The following ADARB2 variants were observed in gnomAD, a reference collection of about 807,000 sequenced individuals.
ADARB2 encodes the protein adenosine deaminase RNA specific B2 (inactive), also known as inactive double-stranded RNA-specific editase B2.
In ADARB2, 25 loss-of-function variants were observed where a neutral mutation model predicts 62.2. That is an observed-to-expected ratio of 0.40 (90% CI 0.29 to 0.56). ADARB2 has a LOEUF of 0.56. Among genes scored for constraint, ADARB2 ranks in the 20% least tolerant of loss-of-function variants. The pLI is 0.43. For missense variants in ADARB2, 1,071 were observed against 1,077.4 expected (o/e 0.99, Z 0.08); for synonymous variants, 572 against 500.8 (o/e 1.14, Z -1.90).
chr10:1,610,388 C>T (rs1488975451), intron 1 of ADARB2, among the ~76,000 whole-genome samples: 10 of 152,362 alleles, frequency 6.6e-5, no homozygotes. Flanking sequence ...TCTGTCCCCA[C>T]ACTCAGTGAT....
intron 1 of ADARB2, among the ~76,000 whole-genome samples, chr10:1,380,522 C>T (rs1300617726): frequency 4.6e-5 from 7 of 152,236 alleles, no homozygotes; most frequent in African/African-American, 1.7e-4. Flanking sequence ...TGCCCTTGGC[C>T]TTCAGGCGTC....
intron 1 of ADARB2, among the ~76,000 whole-genome samples, chr10:1,580,225 T>C (rs749604963): frequency 2.6e-5 from 4 of 152,192 alleles, no homozygotes; most frequent in Non-Finnish European, 2.9e-5. Flanking sequence ...CCAGCTCATA[T>C]GCAAAGTGGC....
intron 1 of ADARB2, among the ~76,000 whole-genome samples, chr10:1,625,146 C>T (rs151219518): frequency 6.6e-6 from 1 of 152,354 alleles, no homozygotes; most frequent in African/African-American, 2.4e-5. Context: ...GTCCTGAGAG[C>T]TAAACCCCAA....
At chr10:1,736,770 C>A (rs1020318992) in intron 1 of ADARB2, among the ~76,000 whole-genome samples, 1 of 152,222 alleles carries the variant, frequency 6.6e-6, no homozygotes, top group East Asian at 1.9e-4. Flanking sequence ...CCCGGAGACG[C>A]GCGGGGTCCC....
intron 2 of ADARB2, among the ~76,000 whole-genome samples, chr10:1,376,038 C>T (rs1413651006): frequency 1.3e-5 from 2 of 152,038 alleles, no homozygotes; most frequent in East Asian, 3.9e-4. Context: ...CACACACGTG[C>T]ACGTACCACA....
At chr10:1,530,473 T>C (rs1832217211) in intron 1 of ADARB2, among the ~76,000 whole-genome samples, 2 of 152,154 alleles carry the variant, frequency 1.3e-5, no homozygotes, top group Admixed American at 1.3e-4. Flanking sequence ...CTGAATTCTC[T>C]CTCTGCACGG....
At chr10:1,421,629 G>A (rs1832853428) in intron 1 of ADARB2, among the ~76,000 whole-genome samples, 1 of 152,166 alleles carries the variant, frequency 6.6e-6, no homozygotes, top group African/African-American at 2.4e-5. Context: ...TGCACATGCT[G>A]AGAGTTAAGA....
At chr10:1,571,531 C>T (rs1039046800) in intron 1 of ADARB2, among the ~76,000 whole-genome samples, 2 of 152,248 alleles carry the variant, frequency 1.3e-5, no homozygotes, top group African/African-American at 2.4e-5. Context: ...ATTGTGGCAG[C>T]TGCAGTTCCT....
chr10:1,477,740 C>A lies in ADARB2; in HGVS notation c.101-98580G>T, dbSNP rs1831421383. On this transcript the variant is annotated intron_variant, in intron 1 of 9. Transcript: ENST00000381312. This position sits in a 1 kb window ranked among gnomAD's most constrained non-coding sequence, Gnocchi z 4.5. ...AGAGAATGCCTTCGTGACTATTTCC[C>A]TTAGACATAAATAGAGACCACAGCC... 6.6e-6 allele frequency among the ~76,000 whole-genome samples: 1 copy of A among 152,230 alleles called. No homozygotes were observed. The highest frequency in any genetic ancestry group is 6.5e-5 in the Admixed American group (1 of 15,282).
Position 1,273,504 on chromosome 10 carries a change from C to T in ADARB2, c.1078-2435G>A, listed in dbSNP as rs376925539. On this transcript the variant is annotated intron_variant, in intron 3 of 9. Coordinates refer to ENST00000381312, the MANE Select transcript of ADARB2 (RefSeq NM_018702.4). ...CGACGTCCACAAGGTGGGTGGCAGG[C>T]GGGAGCCTTCGTGATGGTCCTTGGT... 3.2e-4 allele frequency among the ~76,000 whole-genome samples: 49 copies of T among 152,298 alleles called. No individual in the cohort carries two copies. The East Asian group carries it at 6.4e-3, about 20-fold the overall frequency.
chr10:1,647,749 T>C (rs1282343106), intron 1 of ADARB2, among the ~76,000 whole-genome samples: 3 of 152,050 alleles, frequency 2.0e-5, no homozygotes, highest in Non-Finnish European at 4.4e-5. Context: ...TATATGTATG[T>C]GTGTATATGT....
chr10:1,314,507 C>T (rs1408424893), intron 3 of ADARB2, among the ~76,000 whole-genome samples: 1 of 152,186 alleles, frequency 6.6e-6, no homozygotes, highest in Non-Finnish European at 1.5e-5. Flanking sequence ...CTTCCACGGC[C>T]AGTGCCCCTC....
chr10:1,314,505 G>T (rs574476852), intron 3 of ADARB2, among the ~76,000 whole-genome samples: 2 of 151,894 alleles, frequency 1.3e-5, no homozygotes, highest in Admixed American at 6.6e-5. Context: ...CCCTTCCACG[G>T]CCAGTGCCCC....
At chr10:1,444,287 ATCC>A (rs1830938798) in intron 1 of ADARB2, among the ~76,000 whole-genome samples, 1 of 120,576 alleles carries the variant, frequency 8.3e-6, no homozygotes, top group African/African-American at 3.0e-5. Flanking sequence ...ATCTACATCC[ATCC>A]ATCCATCCAT....
chr10:1,555,890 ACACCACTG>A lies in ADARB2; in HGVS notation c.101-176738_101-176731del, dbSNP rs530417070. On this transcript the variant is annotated intron_variant, in intron 1 of 9. Transcript: ENST00000381312. The stretch of plus-strand genomic sequence containing the variant: ...ATGGAGGTTGCAGTGAGCCGAGATC[ACACCACTG>A]CACTCCAGCCTGGGTGACAGAGTGA... Among the ~76,000 whole-genome samples the A allele has an allele frequency of 3.4e-4, 52 of 151,888 alleles. No homozygotes were observed. In the East Asian group the frequency reaches 8.9e-3, roughly 26 times the overall value.
chr10:1,669,571 AAC>A (rs1346767879), intron 1 of ADARB2, among the ~76,000 whole-genome samples: 1 of 150,678 alleles, frequency 6.6e-6, no homozygotes, highest in Non-Finnish European at 1.5e-5. Flanking sequence ...CACAGACACA[AAC>A]ACACAGACTC....
intron 1 of ADARB2, among the ~76,000 whole-genome samples, chr10:1,666,200 A>G (rs949234623): frequency 2.6e-5 from 4 of 152,228 alleles, no homozygotes; most frequent in Non-Finnish European, 5.9e-5. Flanking sequence ...AGGGAGAGGA[A>G]GACCCCGCTG....
intron 1 of ADARB2, among the ~76,000 whole-genome samples, chr10:1,608,282 C>G (rs902650910): frequency 6.6e-6 from 1 of 152,156 alleles, no homozygotes; most frequent in Non-Finnish European, 1.5e-5. Flanking sequence ...TTATGCTCAC[C>G]GGGTCCCTCA....
intron 6 of ADARB2, among the ~76,000 whole-genome samples, chr10:1,224,873 T>C (rs1433074017): frequency 1.3e-5 from 2 of 152,202 alleles, no homozygotes; most frequent in African/African-American, 2.4e-5. Context: ...GGTGTGGTGC[T>C]GAAAAAAATG....
Sources: gnomAD v4.1 joint callset for allele counts (sites outside exome capture counted in the v4.1 genomes callset) on GRCh38, gnomAD v4.1.1 for gene constraint, Gnocchi (gnomAD v3.1) non-coding constraint, MANE v1.5 for transcripts, NCBI Gene and HGNC (gene_info 2026-07-23, HGNC 2026-07-21) for gene names.